The following TXNRD1 variants were observed in gnomAD, a reference collection of about 807,000 sequenced individuals.
TXNRD1 encodes thioredoxin reductase 1.
A neutral mutation model predicts 80.3 loss-of-function variants in TXNRD1; 57 were observed. The observed-to-expected ratio is 0.71, with a 90% CI of 0.57 to 0.89. TXNRD1 has a LOEUF of 0.89. Ranked by LOEUF, TXNRD1 falls within the 40% of genes least tolerant of loss-of-function variation. The pLI is 0.00. For synonymous variants in TXNRD1, 291 were observed against 285.2 expected, an observed-to-expected ratio of 1.02 and a Z score of -0.20; for missense variants, 730 against 803.0, an observed-to-expected ratio of 0.91 and a Z score of 1.10.
At chr12:104,228,075 G>A (rs1322486888) in intron 1 of TXNRD1, among the ~76,000 whole-genome samples, 2 of 152,064 alleles carry the variant, frequency 1.3e-5, no homozygotes, top group Non-Finnish European at 2.9e-5. Flanking sequence ...AGCCGAGCGG[G>A]GCAGATCACC....
At chr12:104,310,052 C>G in intron 4 of TXNRD1, 2 of 1,535,484 alleles carry the variant, frequency 1.3e-6, no homozygotes, top group African/African-American at 1.4e-5. Context: ...CTGCCTTTCA[C>G]CCCCTACATC....
intron 15 of TXNRD1, among the ~76,000 whole-genome samples, chr12:104,334,983 G>C (rs1162041898): frequency 6.6e-6 from 1 of 152,126 alleles, no homozygotes; most frequent in Non-Finnish European, 1.5e-5. Context: ...ATGCACGTTT[G>C]ATCCTCAGCA....
chr12:104,228,017 A>G lies in TXNRD1; in HGVS notation c.91+12124A>G, dbSNP rs1242903522. Among the ~76,000 whole-genome samples, 5 of 152,260 alleles carry G rather than the reference A, an allele frequency of 3.3e-5. No homozygotes were observed. The East Asian group carries it at 7.7e-4, about 24-fold the overall frequency. ...ATATAAGTTTTTTAAAAATTGATAT[A>G]TAAGGCTGGGTGCAGTGGCTCACAC... On this transcript the variant is annotated intron_variant, in intron 1 of 16. Coordinates refer to ENST00000525566, the MANE Select transcript of TXNRD1 (RefSeq NM_001093771.3).
intron 1 of TXNRD1, among the ~76,000 whole-genome samples, chr12:104,222,099 T>C (rs1354073469): frequency 6.6e-6 from 1 of 152,124 alleles, no homozygotes; most frequent in Non-Finnish European, 1.5e-5. Flanking sequence ...CTTCCCCAGC[T>C]TGTGAATGTC....
intron 7 of TXNRD1, among the ~76,000 whole-genome samples, chr12:104,318,378 A>G (rs1311947484): frequency 6.6e-6 from 1 of 152,222 alleles, no homozygotes; most frequent in Non-Finnish European, 1.5e-5. Flanking sequence ...TAGGGTCTCT[A>G]GTAGCTACTT....
intron 3 of TXNRD1, among the ~76,000 whole-genome samples, chr12:104,267,696 TCTTTCTCTCTTTCTTTCTTTC>T (rs2033550853): frequency 2.5e-5 from 1 of 39,390 alleles, no homozygotes; most frequent in African/African-American, 9.8e-5. Context: ...TTTCTTTCTT[TCTTTCTCTCTTTCTTTCTTTC>T]TTTCTCTTTC....
chr12:104,240,123 T>A (rs986964387), intron 1 of TXNRD1, among the ~76,000 whole-genome samples: 1 of 152,172 alleles, frequency 6.6e-6, no homozygotes, highest in Non-Finnish European at 1.5e-5. Flanking sequence ...AAATGGCCCC[T>A]CCCCTTGTAT....
intron 15 of TXNRD1, among the ~76,000 whole-genome samples, chr12:104,337,974 T>A (rs903581990): frequency 6.8e-6 from 1 of 148,016 alleles, no homozygotes; most frequent in African/African-American, 2.5e-5. Context: ...TTTTTTTTTT[T>A]CCTGTAGGGA....
In TXNRD1 at chr12:104,310,331, G is replaced by A. The variant is rs549083298; in HGVS notation, c.415-959G>A. Among the ~76,000 whole-genome samples the A allele has an allele frequency of 3.3e-5, 5 of 152,218 alleles. No homozygotes were observed. The South Asian group carries it at 1.0e-3, about 32-fold the overall frequency. On this transcript the variant is annotated intron_variant, in intron 4 of 16. Coordinates refer to ENST00000525566, the MANE Select transcript of TXNRD1 (RefSeq NM_001093771.3). Reference sequence around the variant, plus strand: ...CACCTGGCTAATTTTTGTATTTTTAGTAGAGACAGGGTTCACCCCGTTGGC... The same window carrying A: ...CACCTGGCTAATTTTTGTATTTTTAATAGAGACAGGGTTCACCCCGTTGGC...
chr12:104,321,382 G>A, intron 10 of TXNRD1, 66 bp downstream of exon 10: 1 of 1,304,462 alleles, frequency 7.7e-7, no homozygotes, highest in Non-Finnish European at 1.1e-6. Context: ...AGAGAGTTGA[G>A]TTGGTGGTAG....
At chr12:104,281,376 G>A (rs941896306) in intron 3 of TXNRD1, among the ~76,000 whole-genome samples, 1 of 149,022 alleles carries the variant, frequency 6.7e-6, no homozygotes, top group Non-Finnish European at 1.5e-5. Flanking sequence ...TTCCTAGCAG[G>A]TCTGTATATC....
chr12:104,265,693 G>A (rs2033468873), intron 3 of TXNRD1: 6 of 1,604,254 alleles, frequency 3.7e-6, no homozygotes, highest in East Asian at 2.2e-5. Context: ...GATCATGAAG[G>A]TGGAGGAGAT....
intron 3 of TXNRD1, among the ~76,000 whole-genome samples, chr12:104,269,801 C>T (rs535497998): frequency 5.9e-5 from 9 of 151,998 alleles, no homozygotes; most frequent in Non-Finnish European, 1.0e-4. Flanking sequence ...GATCTCCTGA[C>T]CTCGTGATCC....
At position 104,348,456 on chromosome 12, in the gene TXNRD1, C is replaced by A. The variant is rs77633383; in HGVS notation, c.*35C>A. ...TGGATGCTGTTGCCAAGACTGCAAA[C>A]CACTGGCTCGTTTCCGTGCCCAAAT... is the stretch of plus-strand genomic sequence containing the variant. On this transcript the variant is annotated 3_prime_UTR_variant, in exon 17 of 17. Transcript: ENST00000525566. The A allele has an allele frequency of 4.9e-4, 784 of 1,607,490 alleles. 2 individuals carry two copies. Among genetic ancestry groups the A allele is most frequent in the Middle Eastern group, 2.6e-3 (16 of 6,048 alleles).
intron 10 of TXNRD1, among the ~76,000 whole-genome samples, chr12:104,322,450 A>G (rs534679002): frequency 4.5e-5 from 6 of 132,448 alleles, no homozygotes; most frequent in African/African-American, 1.8e-4. Flanking sequence ...GCCCAATCTC[A>G]GCTGACTGCA....
intron 10 of TXNRD1, among the ~76,000 whole-genome samples, chr12:104,323,408 AC>A (rs1269778458): frequency 2.4e-5 from 3 of 127,104 alleles, no homozygotes; most frequent in African/African-American, 9.1e-5. Context: ...CGGGGGGCTG[AC>A]CCCCCACCTC....
At chr12:104,296,383 A>T (rs1565884191) in intron 4 of TXNRD1, among the ~76,000 whole-genome samples, 1 of 152,210 alleles carries the variant, frequency 6.6e-6, no homozygotes, top group Admixed American at 6.5e-5. Context: ...TCTAAAAAAA[A>T]ATATACATTT....
At chr12:104,256,546 C>T (rs866629767) in intron 2 of TXNRD1, among the ~76,000 whole-genome samples, 1 of 151,766 alleles carries the variant, frequency 6.6e-6, no homozygotes, top group South Asian at 2.1e-4. Flanking sequence ...TTTGGGAGGC[C>T]GAGGTGGGCA....
chr12:104,323,812 C>CA (rs1203246356), intron 10 of TXNRD1, among the ~76,000 whole-genome samples: 3 of 122,100 alleles, frequency 2.5e-5, no homozygotes, highest in Non-Finnish European at 5.4e-5. Flanking sequence ...GGGGGCTGAC[C>CA]CCCCCCCACC....
Sources: gnomAD v4.1 joint callset for allele counts (sites outside exome capture counted in the v4.1 genomes callset) on GRCh38, gnomAD v4.1.1 for gene constraint, MANE v1.5 for transcripts, NCBI Gene and HGNC (gene_info 2026-07-23, HGNC 2026-07-21) for gene names.